The following LYRM7 variants were observed in gnomAD, a reference collection of about 807,000 sequenced individuals.
LYRM7 encodes complex III assembly factor LYRM7.
LYRM7 carries 9 observed loss-of-function variants against 15.8 expected under a neutral mutation model. That is an observed-to-expected ratio of 0.57 (90% CI 0.34 to 0.99). LYRM7 has a LOEUF of 0.99. LYRM7 is among the 50% of genes least tolerant of loss of function. LYRM7 has a pLI of 0.02. For missense variants in LYRM7, 115 were observed against 119.1 expected (o/e 0.97, Z 0.16); for synonymous variants, 39 against 39.4 (o/e 0.99, Z 0.04).
intron 4 of LYRM7, among the ~76,000 whole-genome samples, chr5:131,197,541 CTTTTTTT>C (rs60003952): frequency 2.1e-4 from 19 of 90,756 alleles, no homozygotes; most frequent in Middle Eastern, 9.1e-3. Flanking sequence ...TGTCTTCTGT[CTTTTTTT>C]TTTTTTTTTT....
intron 2 of LYRM7, among the ~76,000 whole-genome samples, chr5:131,181,417 T>TTATATATATATAACATATATATGTA (rs1755706707): frequency 9.4e-6 from 1 of 106,200 alleles, no homozygotes; most frequent in Admixed American, 1.1e-4. Context: ...ATATATATGT[T>TTATATATATATAACATATATATGTA]TATATATATA....
chr5:131,179,778 A>G (rs780028487), intron 1 of LYRM7, among the ~76,000 whole-genome samples: 56 of 152,072 alleles, frequency 3.7e-4, no homozygotes, highest in Non-Finnish European at 7.6e-4. Flanking sequence ...TCTACTAAAA[A>G]TACAAAAATT....
Position 131,199,781 on chromosome 5 carries a change from TTAAG to T in LYRM7, c.*183_*186del, listed in dbSNP as rs571009438. On this transcript the variant is annotated 3_prime_UTR_variant, in exon 5 of 5. Coordinates refer to ENST00000379380, the MANE Select transcript of LYRM7 (RefSeq NM_181705.4). ...CATTACTGAGAACTAAAGAACATAA[TTAAG>T]TATTTCTAAAGGAAATTAGATAAGA... 1.4e-4 allele frequency: 58 copies of T among 404,990 alleles called. No individual in the cohort carries two copies. Among genetic ancestry groups the T allele is most frequent in the African/African-American group, 9.9e-4 (48 of 48,368 alleles). The allele number at this position is 404,990 out of a possible 1,614,324, so 25.1% of individuals were successfully genotyped here.
intron 4 of LYRM7, among the ~76,000 whole-genome samples, chr5:131,192,411 G>C (rs1163231028): frequency 1.3e-5 from 2 of 152,140 alleles, no homozygotes; most frequent in African/African-American, 4.8e-5. Flanking sequence ...CAAATAGCTA[G>C]AAGAGCAAAT....
At chr5:131,179,953 T>G (rs1755664537) in intron 1 of LYRM7, 142 bp from the exon 2 acceptor site, 2 of 550,212 alleles carry the variant, frequency 3.6e-6, no homozygotes, top group Non-Finnish European at 3.2e-6. Flanking sequence ...AATTTTTTTT[T>G]TGTAGAGATG....
intron 4 of LYRM7, among the ~76,000 whole-genome samples, chr5:131,189,024 G>A (rs1177188918): frequency 6.7e-6 from 1 of 149,940 alleles, no homozygotes; most frequent in Non-Finnish European, 1.5e-5. Flanking sequence ...GCGCATGCCT[G>A]TAATTCCAGC....
chr5:131,185,092 T>C (rs1281987054), intron 3 of LYRM7, among the ~76,000 whole-genome samples: 3 of 152,078 alleles, frequency 2.0e-5, no homozygotes, highest in Non-Finnish European at 4.4e-5. Flanking sequence ...AGCCTCTTAA[T>C]GGGCCTCCTG....
In LYRM7 at chr5:131,204,758, G is replaced by T. The variant is rs912697286; in HGVS notation, c.*5157G>T. On this transcript the variant is annotated 3_prime_UTR_variant, in exon 5 of 5. Transcript: ENST00000379380. ...GATGTTCATTTGTGTGTGTGTGTGT[G>T]TGTAAGCAGGTGTTGCTAGAAATTC... The T allele has an allele frequency of 1.3e-5, 2 of 151,488 alleles. No homozygotes were observed. The highest frequency in any genetic ancestry group is 4.9e-5 in the African/African-American group (2 of 41,112). The allele number at this position is 151,488 out of a possible 1,614,324, so 9.4% of individuals were successfully genotyped here. A position where few individuals can be genotyped will look rare whatever the true frequency, so the allele number is the denominator to read the frequency against.
At chr5:131,175,793 A>C (rs10052846) in intron 1 of LYRM7, among the ~76,000 whole-genome samples, 27,499 of 151,370 alleles carry the variant, frequency 0.18, 6,316 homozygotes, top group African/African-American at 0.54. Flanking sequence ...TGGAATCTCG[A>C]TGTCACCCAG....
intron 1 of LYRM7, among the ~76,000 whole-genome samples, chr5:131,173,287 C>G (rs1467181357): frequency 6.6e-6 from 1 of 152,184 alleles, no homozygotes; most frequent in African/African-American, 2.4e-5. Flanking sequence ...TTTTTAGATA[C>G]AGGCATACCT....
intron 4 of LYRM7, among the ~76,000 whole-genome samples, chr5:131,192,032 TACAC>T (rs60867142): frequency 0.12 from 14,882 of 127,158 alleles, 809 homozygotes; most frequent in Admixed American, 0.19. Context: ...ATGTGGTGCA[TACAC>T]ACACACACAC....
chr5:131,179,061 A>C (rs1331258553), intron 1 of LYRM7, among the ~76,000 whole-genome samples: 1 of 152,004 alleles, frequency 6.6e-6, no homozygotes, highest in African/African-American at 2.4e-5. Context: ...CAATAAATTC[A>C]TAATTTTGCA....
chr5:131,187,743 C>T (rs1755820728), intron 4 of LYRM7, among the ~76,000 whole-genome samples: 1 of 151,984 alleles, frequency 6.6e-6, no homozygotes. Flanking sequence ...GCTTCAGCCC[C>T]CCAAAGTGCT....
At chr5:131,196,839 G>T (rs1436536614) in intron 4 of LYRM7, among the ~76,000 whole-genome samples, 1 of 151,948 alleles carries the variant, frequency 6.6e-6, no homozygotes, top group African/African-American at 2.4e-5. Context: ...TGTATTTTTA[G>T]TAGAGACAGG....
intron 1 of LYRM7, among the ~76,000 whole-genome samples, chr5:131,179,250 A>C (rs1755649240): frequency 1.3e-5 from 2 of 152,032 alleles, no homozygotes; most frequent in African/African-American, 4.8e-5. Flanking sequence ...TTTGTAAATA[A>C]GGCTAAAAAT....
chr5:131,172,675 A>C (rs979732356), intron 1 of LYRM7, among the ~76,000 whole-genome samples: 2 of 152,188 alleles, frequency 1.3e-5, no homozygotes, highest in Admixed American at 1.3e-4. Context: ...CAGTCCAACA[A>C]GGGTGACAAC....
In LYRM7 at chr5:131,178,016, A is replaced by C. The variant is rs1198612611; in HGVS notation, c.19-2079A>C. ...GAGTTTTTGGAATGTTCCTTTTTAAATTTACTGTAGCTTTTCATTGATGTT... is the reference window on the plus strand; with the variant it reads ...GAGTTTTTGGAATGTTCCTTTTTAACTTTACTGTAGCTTTTCATTGATGTT... On this transcript the variant is annotated intron_variant, in intron 1 of 4. Coordinates refer to ENST00000379380, the MANE Select transcript of LYRM7 (RefSeq NM_181705.4). 3.3e-5 allele frequency among the ~76,000 whole-genome samples: 5 copies of C among 151,972 alleles called. No homozygotes were observed. In the South Asian group the frequency reaches 1.0e-3, roughly 31 times the overall value.
At chr5:131,181,377 ATATAATATATACATATATAT>A (rs1561544365) in intron 2 of LYRM7, among the ~76,000 whole-genome samples, 5 of 92,104 alleles carry the variant, frequency 5.4e-5, no homozygotes, top group African/African-American at 2.5e-4. Flanking sequence ...ATATATGTAT[ATATAATATATACATATATAT>A]TATATATACA....
chr5:131,197,838 T>A (rs1293301447), intron 4 of LYRM7, among the ~76,000 whole-genome samples: 2 of 137,824 alleles, frequency 1.5e-5, no homozygotes, highest in African/African-American at 2.9e-5. Flanking sequence ...AGCCGCTGCA[T>A]CTGGCCACTG....
Sources: gnomAD v4.1 joint callset for allele counts (sites outside exome capture counted in the v4.1 genomes callset) on GRCh38, gnomAD v4.1.1 for gene constraint, MANE v1.5 for transcripts, NCBI Gene and HGNC (gene_info 2026-07-23, HGNC 2026-07-21) for gene names.